LRRC40: variants seen among roughly 807,000 people sequenced by gnomAD.
The protein encoded by LRRC40 is leucine-rich repeat-containing protein 40.
Under a neutral mutation model 72.8 loss-of-function variants are expected in LRRC40, and 76 were observed. The ratio of observed to expected loss-of-function variants is 1.04; its 90% CI spans 0.87 to 1.26. The LOEUF (loss-of-function observed/expected upper bound fraction) is 1.26. Among genes scored for constraint, LRRC40 ranks in the 50% most tolerant of loss-of-function variants. The probability of loss-of-function intolerance (pLI) is 0.00; values close to 1 mark genes in which losing one functional copy is unlikely to be tolerated. For synonymous variants in LRRC40, 243 were observed against 254.2 expected (o/e 0.96, Z 0.42); for missense variants, 684 against 698.9 (o/e 0.98, Z 0.24).
chr1:70,176,419 C>T (rs1668105165), intron 6 of LRRC40, among the ~76,000 whole-genome samples: 1 of 151,154 alleles, frequency 6.6e-6, no homozygotes, highest in African/African-American at 2.4e-5. Flanking sequence ...GTAGTCCCAG[C>T]TACTCAGGAG....
chr1:70,154,448 C>T (rs1667593213), intron 11 of LRRC40, among the ~76,000 whole-genome samples: 1 of 152,124 alleles, frequency 6.6e-6, no homozygotes, highest in African/African-American at 2.4e-5. Flanking sequence ...TCCAGGACCC[C>T]CCGCCCAAAG....
intron 4 of LRRC40, 62 bp from the exon 5 acceptor site, chr1:70,181,271 C>G: frequency 2.8e-6 from 3 of 1,071,232 alleles, no homozygotes. Flanking sequence ...AAATAATGCC[C>G]TAAAAAGGAT....
chr1:70,179,537 A>G (rs74085996), intron 5 of LRRC40, among the ~76,000 whole-genome samples: 14,045 of 152,244 alleles, frequency 0.092, 815 homozygotes, highest in East Asian at 0.3. Context: ...TTAAAGTACA[A>G]CTAAATGTAC....
chr1:70,186,717 G>C (rs1668366036), intron 3 of LRRC40, among the ~76,000 whole-genome samples: 1 of 151,794 alleles, frequency 6.6e-6, no homozygotes, highest in South Asian at 2.1e-4. Flanking sequence ...TAAAAGTCTG[G>C]GTATGTATCA....
intron 4 of LRRC40, among the ~76,000 whole-genome samples, chr1:70,181,510 T>C (rs1668245717): frequency 6.6e-6 from 1 of 152,100 alleles, no homozygotes; most frequent in Admixed American, 6.5e-5. Flanking sequence ...TCATGCCATA[T>C]TATGCATCAT....
intron 9 of LRRC40, among the ~76,000 whole-genome samples, chr1:70,166,744 T>G (rs1667888998): frequency 6.6e-6 from 1 of 152,058 alleles, no homozygotes; most frequent in Non-Finnish European, 1.5e-5. Context: ...ATTGAGATAT[T>G]CCTCTTTTTA....
intron 5 of LRRC40, chr1:70,180,032 T>C (rs1024804901): frequency 3.3e-5 from 5 of 151,928 alleles, no homozygotes; most frequent in African/African-American, 4.8e-5. Context: ...GGTTTTAAAA[T>C]TGAAGAAGGC....
chr1:70,202,547 G>A (rs1013483815), intron 1 of LRRC40, among the ~76,000 whole-genome samples: 44 of 152,166 alleles, frequency 2.9e-4, no homozygotes, highest in African/African-American at 9.9e-4. Context: ...GGTAAGGAAT[G>A]AATGGGTAGA....
At chr1:70,189,493 T>C (rs1668446222) in intron 1 of LRRC40, among the ~76,000 whole-genome samples, 1 of 152,194 alleles carries the variant, frequency 6.6e-6, no homozygotes, top group Non-Finnish European at 1.5e-5. Flanking sequence ...CTCTACACAT[T>C]AGCTCTCACT....
chr1:70,150,025 G>T (rs1047317275), intron 13 of LRRC40, among the ~76,000 whole-genome samples: 1 of 151,974 alleles, frequency 6.6e-6, no homozygotes, highest in Non-Finnish European at 1.5e-5. Context: ...GGGTTCAAGC[G>T]ATTCTCCTGC....
At chr1:70,148,426 A>C in intron 14 of LRRC40, 61 bp downstream of exon 14, 1 of 1,090,018 alleles carries the variant, frequency 9.2e-7, no homozygotes. Context: ...AAAAAGAAAA[A>C]CAAATCACTT....
At chr1:70,166,858 T>C (rs1368969703) in intron 9 of LRRC40, among the ~76,000 whole-genome samples, 1 of 151,762 alleles carries the variant, frequency 6.6e-6, no homozygotes, top group Non-Finnish European at 1.5e-5. Context: ...TTTCCCTTGC[T>C]TTACAATCCT....
In LRRC40 at chr1:70,180,464, A is replaced by T. The variant is rs541070920; in HGVS notation, c.661+622T>A. On this transcript the variant is annotated intron_variant, in intron 5 of 14. Transcript: ENST00000370952. ...GTAATAACAGTTTCTTTAAACAAAC[A>T]AACAAAAAAATCACTAATGATTTTA... 17 of 152,340 alleles carry T rather than the reference A, an allele frequency of 1.1e-4. No homozygotes were observed. In the East Asian group the frequency reaches 2.7e-3, roughly 24 times the overall value. 9.4% of individuals were successfully genotyped at this position (152,340 alleles called of 1,614,324 possible).
intron 3 of LRRC40, among the ~76,000 whole-genome samples, chr1:70,186,191 T>A (rs935293551): frequency 6.6e-6 from 1 of 152,180 alleles, no homozygotes; most frequent in African/African-American, 2.4e-5. Flanking sequence ...TTTTCTTAGC[T>A]AATTACTCCA....
At chr1:70,201,895 T>C (rs1437550066) in intron 1 of LRRC40, among the ~76,000 whole-genome samples, 2 of 152,104 alleles carry the variant, frequency 1.3e-5, no homozygotes, top group East Asian at 3.9e-4. Flanking sequence ...GAGAATTGCT[T>C]GAACCTGGGA....
chr1:70,186,722 G>A (rs1403841297), intron 3 of LRRC40, among the ~76,000 whole-genome samples: 1 of 152,100 alleles, frequency 6.6e-6, no homozygotes, highest in Non-Finnish European at 1.5e-5. Flanking sequence ...GTCTGGGTAT[G>A]TATCAGAGAG....
intron 9 of LRRC40, among the ~76,000 whole-genome samples, chr1:70,169,588 C>A (rs1304204849): frequency 6.6e-6 from 1 of 152,080 alleles, no homozygotes; most frequent in Non-Finnish European, 1.5e-5. Flanking sequence ...ACTCACATTA[C>A]TAGAATCAGA....
At chr1:70,200,662 C>T (rs922503856) in intron 1 of LRRC40, among the ~76,000 whole-genome samples, 1 of 152,112 alleles carries the variant, frequency 6.6e-6, no homozygotes, top group African/African-American at 2.4e-5. Context: ...TTTATTTCCT[C>T]TAGAACTATA....
At position 70,189,236 on chromosome 1, in the gene LRRC40, A is replaced by G. The variant is rs4650030; in HGVS notation, c.189T>C (p.Pro63=). ...ACGAAAGATTCTGATTAGCTTCCTCAGGGATATCCACATTTATTCTCCAGA... is the reference window on the plus strand; with the variant it reads ...ACGAAAGATTCTGATTAGCTTCCTCGGGGATATCCACATTTATTCTCCAGA... The part of the protein sequence containing the change: ...QCVWRINVDI[P]EEANQNLSFG... The change falls in exon 2 of 15, where the codon CCT becomes CCC. Residue 63 remains proline, a synonymous_variant. Coordinates refer to ENST00000370952, the MANE Select transcript of LRRC40 (RefSeq NM_017768.5). 4.9e-3 allele frequency: 7,869 copies of G among 1,611,762 alleles called. 92 individuals carry two copies. Among genetic ancestry groups the G allele is most frequent in the South Asian group, 0.029 (2,675 of 90,986 alleles).
Sources: allele counts gnomAD v4.1 joint callset (sites outside exome capture counted in the v4.1 genomes callset), GRCh38; gene constraint gnomAD v4.1.1; transcripts MANE v1.5; gene names NCBI Gene and HGNC (gene_info 2026-07-23, HGNC 2026-07-21).